Variants in TENM2 observed in about 807,000 individuals in gnomAD.
The protein encoded by TENM2 is teneurin-2.
A neutral mutation model predicts 245.2 loss-of-function variants in TENM2; 52 were observed. The ratio of observed to expected loss-of-function variants is 0.21; its 90% CI spans 0.17 to 0.27. The LOEUF (loss-of-function observed/expected upper bound fraction) is 0.27, where lower values mean the gene tolerates loss of function less well. Ranked by LOEUF, TENM2 falls within the 10% of genes least tolerant of loss-of-function variation. TENM2 has a pLI of 1.00. For synonymous variants in TENM2, 1,363 were observed against 1,438.9 expected, an observed-to-expected ratio of 0.95 and a Z score of 1.19; for missense variants, 3,046 against 3,666.8, an observed-to-expected ratio of 0.83 and a Z score of 4.37.
chr5:168,248,917 A>G (rs2112554), intron 27 of TENM2, among the ~76,000 whole-genome samples: 76,557 of 151,480 alleles, frequency 0.51, 20,962 homozygotes, highest in South Asian at 0.61. Context: ...TCAGGAGTTC[A>G]AGATCAGCCT....
chr5:167,449,561 T>C (rs1765448549), intron 2 of TENM2, among the ~76,000 whole-genome samples: 1 of 129,532 alleles, frequency 7.7e-6, no homozygotes, highest in Non-Finnish European at 1.7e-5. Flanking sequence ...GATAGATAGA[T>C]AGATAGATAA....
chr5:167,664,569 T>G (rs969080457), intron 2 of TENM2, among the ~76,000 whole-genome samples: 1 of 152,224 alleles, frequency 6.6e-6, no homozygotes, highest in Non-Finnish European at 1.5e-5. Context: ...TAGCATCACC[T>G]TCTTCTAATA....
chr5:167,312,703 A>G (rs1756111081), intron 1 of TENM2, among the ~76,000 whole-genome samples: 1 of 152,162 alleles, frequency 6.6e-6, no homozygotes, highest in South Asian at 2.1e-4. Context: ...AACAAAAGAA[A>G]AAAAAAACTT....
At chr5:167,189,789 G>A in the TENM2 span, among the ~76,000 whole-genome samples, 1 of 151,926 alleles carries the variant, frequency 6.6e-6, no homozygotes, top group Non-Finnish European at 1.5e-5. Flanking sequence ...TAAATACCCA[G>A]TGCCCTATTT....
At chr5:167,440,650 C>T (rs1764825919) in intron 2 of TENM2, among the ~76,000 whole-genome samples, 1 of 152,020 alleles carries the variant, frequency 6.6e-6, no homozygotes, top group African/African-American at 2.4e-5. Flanking sequence ...AATATGAATC[C>T]TGGGCAACCT....
At chr5:167,005,098 T>C in the TENM2 span, among the ~76,000 whole-genome samples, 2 of 152,158 alleles carry the variant, frequency 1.3e-5, no homozygotes, top group Non-Finnish European at 2.9e-5. Context: ...TTCCCCCCCA[T>C]TTAATTAGAT....
At chr5:167,172,470 G>T in the TENM2 span, among the ~76,000 whole-genome samples, 1 of 152,096 alleles carries the variant, frequency 6.6e-6, no homozygotes, top group African/African-American at 2.4e-5. Context: ...GGTGGAGCTG[G>T]AAGTGACACC....
the TENM2 span, among the ~76,000 whole-genome samples, chr5:167,180,833 G>C: frequency 6.6e-6 from 1 of 151,940 alleles, no homozygotes; most frequent in Non-Finnish European, 1.5e-5. Context: ...AGCCTAGGAG[G>C]GGGAGAAAGA....
intron 3 of TENM2, among the ~76,000 whole-genome samples, chr5:167,893,054 G>A (rs1043172437): frequency 1.5e-4 from 23 of 152,286 alleles, no homozygotes; most frequent in African/African-American, 5.1e-4. Flanking sequence ...GCAATGTGGA[G>A]GGAGAGTATT....
In TENM2 at chr5:167,452,948, T is replaced by TATATATATATATATATATATATTTTTTAA. The variant is rs10627779; in HGVS notation, c.502+77489_502+77490insATATATATTTTTTAAATATATATATATAT. ...AGTATGATTTATATATATATATATA[T>TATATATATATATATATATATATTTTTTAA]ATATATATATATATTTAAAAAAAAA... On this transcript the variant is annotated intron_variant, in intron 2 of 28. Coordinates refer to ENST00000518659, the Ensembl canonical transcript of TENM2. Among the ~76,000 whole-genome samples the TATATATATATATATATATATATTTTTTAA allele has an allele frequency of 5.0e-4, 24 of 47,528 alleles. 2 individuals carry two copies. The highest frequency in any genetic ancestry group is 7.9e-4 in the Admixed American group (2 of 2,532). 31.2% of individuals were successfully genotyped at this position (47,528 alleles called of 152,430 possible).
intron 2 of TENM2, among the ~76,000 whole-genome samples, chr5:167,574,969 A>T (rs932024622): frequency 6.6e-6 from 1 of 152,154 alleles, no homozygotes. Flanking sequence ...CACAAAATGC[A>T]TGATCTCCCA....
At chr5:167,430,078 G>C (rs1015063784) in intron 2 of TENM2, among the ~76,000 whole-genome samples, 2 of 152,048 alleles carry the variant, frequency 1.3e-5, no homozygotes, top group Non-Finnish European at 2.9e-5. Context: ...GAGAGTACAG[G>C]GGCAAAATCA....
chr5:167,782,058 A>C (rs565337773), intron 2 of TENM2, among the ~76,000 whole-genome samples: 58 of 152,242 alleles, frequency 3.8e-4, no homozygotes, highest in Non-Finnish European at 6.0e-4. Flanking sequence ...TCACACCTGT[A>C]ATCCCAGCAC....
the TENM2 span, among the ~76,000 whole-genome samples, chr5:167,083,855 C>G: frequency 6.6e-6 from 1 of 152,188 alleles, no homozygotes; most frequent in East Asian, 1.9e-4. Context: ...TTTAACAGGA[C>G]ATGGAACAGG....
In TENM2 at chr5:167,884,408, C is replaced by A. The variant is rs542477555; in HGVS notation, c.712+8213C>A. ...ACTCTATACCCATTAAACACTAACT[C>A]GCTTTCCCTCAGCCCCTGGCAACCA... On this transcript the variant is annotated intron_variant, in intron 3 of 28. Coordinates refer to ENST00000518659, the Ensembl canonical transcript of TENM2. 2.0e-5 allele frequency among the ~76,000 whole-genome samples: 3 copies of A among 152,296 alleles called. No homozygotes were observed. The South Asian group carries it at 6.2e-4, about 32-fold the overall frequency.
the TENM2 span, among the ~76,000 whole-genome samples, chr5:167,038,204 C>A: frequency 6.6e-6 from 1 of 152,196 alleles, no homozygotes; most frequent in African/African-American, 2.4e-5. Flanking sequence ...TTTGAACAGT[C>A]AGTCATGAAA....
intron 2 of TENM2, among the ~76,000 whole-genome samples, chr5:167,845,078 C>A (rs1230774096): frequency 1.3e-5 from 2 of 152,086 alleles, no homozygotes; most frequent in Non-Finnish European, 2.9e-5. Context: ...AGCCAACGTT[C>A]AGTCTTGTTT....
chr5:167,687,253 G>T (rs994136018), intron 2 of TENM2, among the ~76,000 whole-genome samples: 3 of 152,100 alleles, frequency 2.0e-5, no homozygotes, highest in Non-Finnish European at 4.4e-5. Flanking sequence ...CATTACATTT[G>T]ATTTATTTGC....
chr5:167,356,052 G>A (rs371573043), intron 1 of TENM2, among the ~76,000 whole-genome samples: 26 of 150,830 alleles, frequency 1.7e-4, no homozygotes, highest in African/African-American at 6.1e-4. Context: ...CATGATGGCG[G>A]GTGCCTGTAA....
Sources: gnomAD v4.1 joint callset for allele counts (sites outside exome capture counted in the v4.1 genomes callset) on GRCh38, gnomAD v4.1.1 for gene constraint, MANE v1.5 for transcripts, NCBI Gene and HGNC (gene_info 2026-07-23, HGNC 2026-07-21) for gene names.